The following SPAG16 variants were observed in gnomAD, a reference collection of about 807,000 sequenced individuals.
The protein encoded by SPAG16 is sperm-associated antigen 16 protein.
A neutral mutation model predicts 80.4 loss-of-function variants in SPAG16; 86 were observed. The observed-to-expected ratio is 1.07, with a 90% CI of 0.90 to 1.28. The LOEUF is 1.28. Among genes scored for constraint, SPAG16 ranks in the 50% most tolerant of loss-of-function variants. The pLI is 0.00. For missense variants in SPAG16, 870 were observed against 765.3 expected (o/e 1.14, Z -1.61); for synonymous variants, 294 against 265.9 (o/e 1.11, Z -1.03).
chr2:213,434,394 T>C (rs2125499654), intron 9 of SPAG16, among the ~76,000 whole-genome samples: 1 of 152,306 alleles, frequency 6.6e-6, no homozygotes, highest in South Asian at 2.1e-4. Context: ...AAAATACTTC[T>C]GGACATTGAT....
chr2:213,949,168 A>ATTTTTTTTTTT (rs1559620124), intron 12 of SPAG16, among the ~76,000 whole-genome samples: 1 of 75,194 alleles, frequency 1.3e-5, no homozygotes, highest in Non-Finnish European at 2.9e-5. Context: ...TAATTACAAC[A>ATTTTTTTTTTT]GTTTTTTTTT....
At chr2:214,403,576 C>T (rs1701835504) in intron 15 of SPAG16, among the ~76,000 whole-genome samples, 1 of 152,026 alleles carries the variant, frequency 6.6e-6, no homozygotes, top group Non-Finnish European at 1.5e-5. Context: ...ACATGTGTGT[C>T]ATAGCTGCTA....
intron 10 of SPAG16, among the ~76,000 whole-genome samples, chr2:213,827,796 TA>T (rs145824587): frequency 0.016 from 2,377 of 152,166 alleles, 67 homozygotes; most frequent in African/African-American, 0.054. Context: ...TATTCTAGGA[TA>T]TTTTTTTTTT....
At chr2:213,745,370 G>C (rs2067770611) in intron 10 of SPAG16, among the ~76,000 whole-genome samples, 1 of 152,102 alleles carries the variant, frequency 6.6e-6, no homozygotes, top group Admixed American at 6.5e-5. Context: ...AGCCTCCCGA[G>C]TAGCTGGGAT....
intron 10 of SPAG16, among the ~76,000 whole-genome samples, chr2:213,762,578 G>A (rs1235934664): frequency 6.6e-6 from 1 of 152,100 alleles, no homozygotes; most frequent in Non-Finnish European, 1.5e-5. Context: ...TGGAAAAACT[G>A]GTTACCCTCA....
intron 10 of SPAG16, among the ~76,000 whole-genome samples, chr2:213,621,044 TACTAAAACTAAAAACTAGTTTTAGTAC>T (rs1407644395): frequency 6.6e-6 from 1 of 152,054 alleles, no homozygotes; most frequent in Non-Finnish European, 1.5e-5. Context: ...AATTTTCTAG[TACTAAAACTAAAAACTAGTTTTAGTAC>T]TTACCTTTAA....
At chr2:214,022,238 A>G (rs909909351) in intron 13 of SPAG16, among the ~76,000 whole-genome samples, 2 of 152,182 alleles carry the variant, frequency 1.3e-5, no homozygotes, top group African/African-American at 4.8e-5. Context: ...GCTTGAAAAA[A>G]ATCAATGTAC....
intron 10 of SPAG16, among the ~76,000 whole-genome samples, chr2:213,714,564 C>T (rs1257441707): frequency 1.3e-5 from 2 of 152,088 alleles, no homozygotes; most frequent in African/African-American, 4.8e-5. Flanking sequence ...AATTACTAAA[C>T]TATATCTTTG....
At chr2:213,588,675 G>A (rs1403206535) in intron 10 of SPAG16, among the ~76,000 whole-genome samples, 6 of 151,010 alleles carry the variant, frequency 4.0e-5, no homozygotes, top group African/African-American at 9.7e-5. Context: ...GGTGGCGGGC[G>A]CCTGTAGTCC....
intron 15 of SPAG16, among the ~76,000 whole-genome samples, chr2:214,299,688 A>AT (rs1559193930): frequency 6.6e-6 from 1 of 152,200 alleles, no homozygotes; most frequent in Non-Finnish European, 1.5e-5. Flanking sequence ...AAAAATGGTG[A>AT]TTGGCCATAT....
chr2:214,100,769 T>C (rs1296540383), intron 13 of SPAG16, among the ~76,000 whole-genome samples: 1 of 152,114 alleles, frequency 6.6e-6, no homozygotes, highest in Non-Finnish European at 1.5e-5. Context: ...ATGTAGCACT[T>C]TTTTTCTTCA....
At chr2:213,295,947 TTTACCAACTTCC>T in intron 1 of SPAG16, 105 bp from the exon 2 acceptor site, 1 of 760,562 alleles carries the variant, frequency 1.3e-6, no homozygotes, top group Non-Finnish European at 2.2e-6. Context: ...ATTATATATA[TTTACCAACTTCC>T]TGGTGAGATA....
At chr2:213,512,304 A>T (rs1332798771) in intron 10 of SPAG16, among the ~76,000 whole-genome samples, 1 of 152,182 alleles carries the variant, frequency 6.6e-6, no homozygotes, top group Admixed American at 6.5e-5. Flanking sequence ...AGAGAGACAG[A>T]CAAAATGGAC....
At chr2:214,115,420 G>C (rs560045230) in intron 14 of SPAG16, among the ~76,000 whole-genome samples, 6 of 152,134 alleles carry the variant, frequency 3.9e-5, no homozygotes, top group Admixed American at 2.0e-4. Context: ...TTCATGTTGC[G>C]TTACCATTTA....
chr2:214,191,176 C>A (rs1443691092), intron 15 of SPAG16, among the ~76,000 whole-genome samples: 1 of 151,950 alleles, frequency 6.6e-6, no homozygotes, highest in Non-Finnish European at 1.5e-5. Flanking sequence ...GGACAGAGAC[C>A]ACCTAGCAGA....
At chr2:214,085,390 A>AAAGAAAG in intron 13 of SPAG16, among the ~76,000 whole-genome samples, 1 of 150,138 alleles carries the variant, frequency 6.7e-6, no homozygotes, top group African/African-American at 2.5e-5. Flanking sequence ...AAAAAAAAAA[A>AAAGAAAG]AAAGAAAGAA....
At chr2:213,853,340 A>C (rs1317993225) in intron 10 of SPAG16, among the ~76,000 whole-genome samples, 1 of 152,198 alleles carries the variant, frequency 6.6e-6, no homozygotes. Context: ...CTCCCTCCAA[A>C]ATATCCTCTC....
intron 10 of SPAG16, among the ~76,000 whole-genome samples, chr2:213,616,330 A>C (rs2061596409): frequency 6.6e-6 from 1 of 152,242 alleles, no homozygotes; most frequent in African/African-American, 2.4e-5. Context: ...ATGTGTTGGC[A>C]CAGTTAACTA....
chr2:213,290,888 T>C (rs977815025), intron 1 of SPAG16, among the ~76,000 whole-genome samples: 1 of 152,226 alleles, frequency 6.6e-6, no homozygotes, highest in African/African-American at 2.4e-5. Context: ...CATCACATCC[T>C]ACTTCACTCT....
Sources: gnomAD v4.1 joint callset for allele counts (sites outside exome capture counted in the v4.1 genomes callset) on GRCh38, gnomAD v4.1.1 for gene constraint, MANE v1.5 for transcripts, NCBI Gene and HGNC (gene_info 2026-07-23, HGNC 2026-07-21) for gene names.